The following ZC3H12C variants were observed in gnomAD, a reference collection of about 807,000 sequenced individuals.
ZC3H12C encodes zinc finger CCCH-type containing 12C.
In ZC3H12C, 20 loss-of-function variants were observed where a neutral mutation model predicts 76.3. The observed-to-expected ratio is 0.26, with a 90% CI of 0.18 to 0.38. The LOEUF is 0.38. ZC3H12C is among the 10% of genes least tolerant of loss of function. The pLI is 1.00. For synonymous variants in ZC3H12C, 352 were observed against 399.6 expected (o/e 0.88, Z 1.42); for missense variants, 874 against 1,086.5 (o/e 0.80, Z 2.75).
chr11:110,156,962 C>T (rs547646708), intron 3 of ZC3H12C, among the ~76,000 whole-genome samples: 4 of 152,160 alleles, frequency 2.6e-5, no homozygotes, highest in Admixed American at 1.3e-4. Context: ...GGGCGGATCA[C>T]GAGGTCAGGA....
chr11:110,141,783 T>C (rs1028017010), intron 2 of ZC3H12C, among the ~76,000 whole-genome samples: 9 of 152,224 alleles, frequency 5.9e-5, no homozygotes, highest in African/African-American at 2.2e-4. Flanking sequence ...CGTACAAAAA[T>C]ATGTAAACTA....
intron 4 of ZC3H12C, among the ~76,000 whole-genome samples, chr11:110,160,653 G>C (rs764061630): frequency 9.2e-5 from 14 of 152,094 alleles, no homozygotes; most frequent in South Asian, 2.1e-4. Context: ...GCAGTACTAT[G>C]CGTGGAGCTG....
At chr11:110,136,551 A>T in intron 1 of ZC3H12C, 112 bp from the exon 2 acceptor site, 1 of 1,223,604 alleles carries the variant, frequency 8.2e-7, no homozygotes, top group East Asian at 2.4e-5. Context: ...GAGAGGATGT[A>T]GACAAAATAC....
intron 1 of ZC3H12C, among the ~76,000 whole-genome samples, chr11:110,128,882 C>A: frequency 7.4e-6 from 1 of 135,978 alleles, no homozygotes; most frequent in African/African-American, 2.9e-5. Flanking sequence ...ACTATCACCA[C>A]CACTAACAAA....
chr11:110,162,219 T>C (rs1862495046), intron 4 of ZC3H12C, among the ~76,000 whole-genome samples: 1 of 152,234 alleles, frequency 6.6e-6, no homozygotes, highest in African/African-American at 2.4e-5. Flanking sequence ...TGTAAAATTG[T>C]ATTTGTGTTT....
chr11:110,160,841 T>A (rs1862466535), intron 4 of ZC3H12C, among the ~76,000 whole-genome samples: 1 of 152,090 alleles, frequency 6.6e-6, no homozygotes, highest in Non-Finnish European at 1.5e-5. Flanking sequence ...TTTTCTTTTG[T>A]TTTTTTGTTT....
intron 2 of ZC3H12C, among the ~76,000 whole-genome samples, chr11:110,141,707 G>A (rs1862070637): frequency 6.6e-6 from 1 of 152,192 alleles, no homozygotes. Context: ...AGACCTGCAT[G>A]AAATGTGTCT....
chr11:110,136,685 A>G lies in ZC3H12C; in HGVS notation c.44A>G (p.Gln15Arg), dbSNP rs1306156237. The G allele has an allele frequency of 6.2e-7, 1 of 1,613,612 alleles. No individual in the cohort carries two copies. The highest frequency in any genetic ancestry group is 1.3e-5 in the African/African-American group (1 of 75,052). The change falls in exon 2 of 6, where the codon CAG becomes CGG. Residue 15 changes from glutamine to arginine, a missense_variant. Transcript: ENST00000278590. ...TAGGAATACGGGGTGCTTTGCATTC[A>G]GGAATACAGAAAAAACAGCAAAGTG... ...GSQEYGVLCI[Q>R]EYRKNSKVES...
At chr11:110,105,229 A>G (rs1861300354) in intron 1 of ZC3H12C, among the ~76,000 whole-genome samples, 1 of 152,162 alleles carries the variant, frequency 6.6e-6, no homozygotes, top group Non-Finnish European at 1.5e-5. Context: ...ACTTTTAAAA[A>G]ATCTTTGGCA....
At chr11:110,107,055 A>G (rs1174785586) in intron 1 of ZC3H12C, among the ~76,000 whole-genome samples, 2 of 152,194 alleles carry the variant, frequency 1.3e-5, no homozygotes, top group Admixed American at 6.5e-5. Context: ...AATACCTGTA[A>G]TGGTCAAATG....
intron 2 of ZC3H12C, among the ~76,000 whole-genome samples, chr11:110,144,014 G>A (rs1329400370): frequency 1.3e-5 from 2 of 152,000 alleles, no homozygotes; most frequent in East Asian, 1.9e-4. Context: ...TACAGGTCAA[G>A]TTTTTAATTT....
intron 4 of ZC3H12C, among the ~76,000 whole-genome samples, chr11:110,160,131 A>G (rs1172723807): frequency 3.9e-5 from 6 of 152,234 alleles, no homozygotes; most frequent in Admixed American, 2.0e-4. Flanking sequence ...ATACCATAAA[A>G]TATGGTATAA....
rs747400302 is a variant in ZC3H12C at position 110,171,557 on chromosome 11, A to C, written c.*5820A>C. ...AAACGGTATTTTAGACCTACTGGAA[A>C]TCTGTATCGAAACAGCTATGTGATT... On this transcript the variant is annotated 3_prime_UTR_variant, in exon 6 of 6. Transcript: ENST00000278590. The C allele has an allele frequency of 1.3e-5, 2 of 152,212 alleles. No homozygotes were observed. The highest frequency in any genetic ancestry group is 2.9e-5 in the Non-Finnish European group (2 of 68,040). The allele number at this position is 152,212 out of a possible 1,614,324, so 9.4% of individuals were successfully genotyped here. A position where few individuals can be genotyped will look rare whatever the true frequency, so the allele number is the denominator to read the frequency against.
At chr11:110,128,898 A>G in intron 1 of ZC3H12C, among the ~76,000 whole-genome samples, 1 of 151,032 alleles carries the variant, frequency 6.6e-6, no homozygotes, top group African/African-American at 2.4e-5. Flanking sequence ...ACAAAAAAAA[A>G]AAAAAAAAAA....
At chr11:110,138,220 G>T (rs965709105) in intron 2 of ZC3H12C, among the ~76,000 whole-genome samples, 8 of 130,784 alleles carry the variant, frequency 6.1e-5, no homozygotes, top group African/African-American at 1.4e-4. Flanking sequence ...ATTTCAGAGC[G>T]CTGTGAAGAT....
At chr11:110,139,869 C>CTT (rs58867910) in intron 2 of ZC3H12C, among the ~76,000 whole-genome samples, 52,325 of 131,234 alleles carry the variant, frequency 0.4, 10,958 homozygotes, top group East Asian at 0.48. Context: ...CATATATTTT[C>CTT]TTTTTTTTTT....
intron 2 of ZC3H12C, among the ~76,000 whole-genome samples, chr11:110,152,038 T>C (rs1862280756): frequency 6.6e-6 from 1 of 152,222 alleles, no homozygotes. Context: ...AATATCTCCG[T>C]TATAGATAAC....
intron 1 of ZC3H12C, among the ~76,000 whole-genome samples, chr11:110,126,372 T>G (rs1387953826): frequency 6.6e-6 from 1 of 151,722 alleles, no homozygotes; most frequent in African/African-American, 2.4e-5. Context: ...TGTGCCACTA[T>G]GCCTGGCTAA....
At chr11:110,161,262 T>C (rs956961181) in intron 4 of ZC3H12C, among the ~76,000 whole-genome samples, 1 of 152,218 alleles carries the variant, frequency 6.6e-6, no homozygotes, top group African/African-American at 2.4e-5. Context: ...CACAAACACA[T>C]GTGTAATGCA....
Sources: allele counts gnomAD v4.1 joint callset (sites outside exome capture counted in the v4.1 genomes callset), GRCh38; gene constraint gnomAD v4.1.1; transcripts MANE v1.5; gene names NCBI Gene and HGNC (gene_info 2026-07-23, HGNC 2026-07-21).